The following DNAH7 variants were observed in gnomAD, a reference collection of about 807,000 sequenced individuals.
The protein encoded by DNAH7 is axonemal beta dynein heavy chain 7.
In DNAH7, 397 loss-of-function variants were observed where a neutral mutation model predicts 444.6. The observed-to-expected ratio is 0.89, with a 90% confidence interval of 0.82 to 0.97. DNAH7 has a LOEUF of 0.97. Ranked by LOEUF, DNAH7 falls within the 50% of genes least tolerant of loss-of-function variation. The pLI is 0.00. For missense variants in DNAH7, 4,902 were observed against 4,800.8 expected, an observed-to-expected ratio of 1.02 and a Z score of -0.62; for synonymous variants, 1,636 against 1,624.4, an observed-to-expected ratio of 1.01 and a Z score of -0.17.
chr2:195,996,162 T>C (rs937791288), intron 12 of DNAH7, among the ~76,000 whole-genome samples: 2 of 152,162 alleles, frequency 1.3e-5, no homozygotes, highest in African/African-American at 4.8e-5. Context: ...CTTTTTCACG[T>C]TGAGGAGAAA....
rs1228548239 is a variant in DNAH7 at position 195,778,618 on chromosome 2, G to GAAAAA, written c.10879-638_10879-634dup. On this transcript the variant is annotated intron_variant, in intron 58 of 64. Coordinates refer to ENST00000312428, the MANE Select transcript of DNAH7 (RefSeq NM_018897.3). The stretch of plus-strand genomic sequence containing the variant: ...TGGGTGACAGAGCAAGACCCTGTCT[G>GAAAAA]AAAAAAAAAAAAAATAAATAAATAA... Among the ~76,000 whole-genome samples, 18 of 21,768 alleles carry GAAAAA rather than the reference G, an allele frequency of 8.3e-4. 2 individuals carry two copies. Among genetic ancestry groups the GAAAAA allele is most frequent in the Admixed American group, 5.3e-3 (7 of 1,322 alleles). 14.3% of individuals were successfully genotyped at this position (21,768 alleles called of 152,430 possible).
intron 63 of DNAH7, among the ~76,000 whole-genome samples, chr2:195,744,756 G>T (rs1326486535): frequency 3.3e-5 from 5 of 152,188 alleles, no homozygotes; most frequent in African/African-American, 1.2e-4. Flanking sequence ...GTCCGGAGTG[G>T]ACCTCTAGCA....
intron 12 of DNAH7, among the ~76,000 whole-genome samples, chr2:195,993,172 C>T (rs1693464217): frequency 6.6e-6 from 1 of 152,166 alleles, no homozygotes; most frequent in African/African-American, 2.4e-5. Context: ...TGACCTGGTT[C>T]TCCTTTCCAA....
intron 55 of DNAH7, among the ~76,000 whole-genome samples, chr2:195,797,767 A>G (rs556123086): frequency 6.6e-6 from 1 of 152,196 alleles, no homozygotes; most frequent in Admixed American, 6.5e-5. Context: ...TATAGGTCAG[A>G]TCATGTCAGT....
chr2:196,057,307 G>A (rs1697867455), intron 2 of DNAH7, among the ~76,000 whole-genome samples: 1 of 152,134 alleles, frequency 6.6e-6, no homozygotes, highest in Admixed American at 6.5e-5. Context: ...GACTAGAAGA[G>A]ATTATTCAAC....
chr2:195,842,513 C>T (rs1467828451), intron 47 of DNAH7, among the ~76,000 whole-genome samples: 1 of 152,022 alleles, frequency 6.6e-6, no homozygotes, highest in Non-Finnish European at 1.5e-5. Flanking sequence ...TCAAAGTGAT[C>T]ACTTTAAACA....
Position 195,864,805 on chromosome 2 carries a change from T to G in DNAH7, c.6850A>C (p.Arg2284=). 6.2e-7 allele frequency: 1 copy of G among 1,614,226 alleles called. No individual in the cohort carries two copies. The highest frequency in any genetic ancestry group is 1.1e-5 in the South Asian group (1 of 91,080). ...HDPKREDTNY[R]EIADVDNLRM... ...AGATTATCCACATCTGCGATTTCTC[T>G]GTAGTTGGTATCCTCCCTCTTGGGA... Residue 2284 remains arginine, a synonymous_variant, in exon 41 of 65, where the codon AGA becomes CGA. Coordinates refer to ENST00000312428, the MANE Select transcript of DNAH7 (RefSeq NM_018897.3).
intron 1 of DNAH7, among the ~76,000 whole-genome samples, chr2:196,066,213 G>A (rs1284167527): frequency 6.6e-6 from 1 of 152,182 alleles, no homozygotes; most frequent in African/African-American, 2.4e-5. Context: ...ATCTATAAAT[G>A]TGTCTGGTTA....
chr2:195,899,342 T>G (rs1686548117), intron 28 of DNAH7, among the ~76,000 whole-genome samples: 1 of 152,222 alleles, frequency 6.6e-6, no homozygotes, highest in South Asian at 2.1e-4. Flanking sequence ...CAGGATTCAT[T>G]TGCTGCATAA....
intron 3 of DNAH7, among the ~76,000 whole-genome samples, 178 bp downstream of exon 3, chr2:196,051,009 T>C (rs910575777): frequency 5.9e-5 from 9 of 152,258 alleles, no homozygotes; most frequent in African/African-American, 2.2e-4. Flanking sequence ...CAGGTAATTA[T>C]AGCTTATGGT....
rs1407214493 is a variant in DNAH7, at chr2:196,068,594, T to A, written c.15+103A>T. The A allele has an allele frequency of 4.1e-6, 6 of 1,457,548 alleles. No homozygotes were observed. The African/African-American group carries it at 5.6e-5, about 14-fold the overall frequency. 90.3% of individuals were successfully genotyped at this position (1,457,548 alleles called of 1,614,324 possible). On this transcript the variant is annotated intron_variant, in intron 1 of 64. Coordinates refer to ENST00000312428, the MANE Select transcript of DNAH7 (RefSeq NM_018897.3). ...GTGAAGGAAGCTGTACACCGCGGAG[T>A]CACAGCTGGGGAGTTCGCTAGGCAG...
At chr2:196,018,637 T>C (rs1481195465) in intron 9 of DNAH7, among the ~76,000 whole-genome samples, 1 of 151,830 alleles carries the variant, frequency 6.6e-6, no homozygotes, top group East Asian at 1.9e-4. Context: ...AATTCTAGAG[T>C]TGAAAAACAC....
chr2:195,995,229 T>G (rs1323251337), intron 12 of DNAH7: 5 of 386,888 alleles, frequency 1.3e-5, no homozygotes, highest in Non-Finnish European at 2.5e-5. Flanking sequence ...TGCCCGGCTA[T>G]TTTTAGACTT....
chr2:195,858,327 G>T, intron 43 of DNAH7, 147 bp downstream of exon 43: 1 of 702,392 alleles, frequency 1.4e-6, no homozygotes, highest in Non-Finnish European at 2.2e-6. Flanking sequence ...GTCAATTAGG[G>T]AATTCTTTTG....
intron 36 of DNAH7, among the ~76,000 whole-genome samples, chr2:195,881,146 A>G (rs1402450673): frequency 6.6e-6 from 1 of 152,196 alleles, no homozygotes; most frequent in Non-Finnish European, 1.5e-5. Context: ...AGATTATTCA[A>G]TAAATACTAG....
chr2:195,798,645 G>A (rs1311873249), intron 55 of DNAH7, among the ~76,000 whole-genome samples: 2 of 145,914 alleles, frequency 1.4e-5, no homozygotes, highest in Admixed American at 1.4e-4. Flanking sequence ...CTGGGTTCAC[G>A]CCATTCTCCT....
chr2:195,752,832 C>T (rs905581173), intron 63 of DNAH7, among the ~76,000 whole-genome samples: 9 of 152,172 alleles, frequency 5.9e-5, no homozygotes, highest in African/African-American at 2.2e-4. Context: ...TAGAAGTCAT[C>T]ACTAACTCTG....
At position 196,012,833 on chromosome 2, in the gene DNAH7, T is replaced by C. The variant is rs17838596; in HGVS notation, c.943A>G (p.Ile315Val). Residue 315 changes from isoleucine (I) to valine (V), a missense_variant, in exon 10 of 65, where the codon ATT (isoleucine) becomes GTT (valine). Ile to Val is a conservative substitution (Grantham distance 29, BLOSUM62 3). Coordinates refer to ENST00000312428, the MANE Select transcript of DNAH7 (RefSeq NM_018897.3). ...GCAGAGTCCATGTGTCTCATGATAA[T>C]GTTCTGAAAACTTGACAGCTCTAAT... ...DALELSSFQNIIMRHMDSAKE... is the reference protein window; with the variant it reads ...DALELSSFQNVIMRHMDSAKE... 0.011 allele frequency: 18,101 copies of C among 1,582,000 alleles called. 741 individuals are homozygous for C. In the African/African-American group the frequency reaches 0.12, roughly 10 times the overall value.
chr2:195,964,790 C>T (rs1202389138), intron 17 of DNAH7, among the ~76,000 whole-genome samples: 2 of 151,148 alleles, frequency 1.3e-5, no homozygotes, highest in Non-Finnish European at 1.5e-5. Flanking sequence ...GCAGAAGAAT[C>T]GCTTGAACCC....
Sources: gnomAD v4.1 joint callset for allele counts (sites outside exome capture counted in the v4.1 genomes callset) on GRCh38, gnomAD v4.1.1 for gene constraint, MANE v1.5 for transcripts, NCBI Gene and HGNC (gene_info 2026-07-23, HGNC 2026-07-21) for gene names.